Variants in CHCHD3 observed in about 807,000 individuals in gnomAD.
The protein encoded by CHCHD3 is coiled-coil-helix-coiled-coil-helix domain containing 3, also known as MICOS complex subunit MIC19.
CHCHD3 carries 20 observed loss-of-function variants against 38.2 expected under a neutral mutation model. The observed-to-expected ratio is 0.52, with a 90% confidence interval of 0.37 to 0.76. The LOEUF is 0.76. Among genes scored for constraint, CHCHD3 ranks in the 30% least tolerant of loss-of-function variants. The pLI, the probability that CHCHD3 is intolerant of heterozygous loss-of-function variation, is 0.00. For synonymous variants in CHCHD3, 82 were observed against 100.0 expected (o/e 0.82, Z 1.07); for missense variants, 245 against 279.2 (o/e 0.88, Z 0.87).
chr7:132,847,053 T>C (rs1808092006), intron 5 of CHCHD3, among the ~76,000 whole-genome samples: 1 of 152,200 alleles, frequency 6.6e-6, no homozygotes, highest in African/African-American at 2.4e-5. Context: ...CCCCCTCTTC[T>C]GTCTTCCCTT....
At chr7:132,888,992 G>C (rs541104146) in intron 4 of CHCHD3, among the ~76,000 whole-genome samples, 9 of 152,076 alleles carry the variant, frequency 5.9e-5, no homozygotes, top group South Asian at 2.1e-4. Flanking sequence ...ATATTATTTG[G>C]ACTGTTTCTT....
chr7:132,996,679 C>G (rs1812425157), intron 3 of CHCHD3, among the ~76,000 whole-genome samples: 1 of 152,158 alleles, frequency 6.6e-6, no homozygotes, highest in African/African-American at 2.4e-5. Context: ...GCAATCCTTC[C>G]AAGCCCTGTC....
At chr7:132,854,646 T>C (rs1808302172) in intron 5 of CHCHD3, among the ~76,000 whole-genome samples, 5 of 152,228 alleles carry the variant, frequency 3.3e-5, no homozygotes, top group Non-Finnish European at 5.9e-5. Context: ...ATTATTGGTA[T>C]CTCTGAAATT....
At chr7:132,854,356 A>C (rs1585573997) in intron 5 of CHCHD3, among the ~76,000 whole-genome samples, 1 of 152,286 alleles carries the variant, frequency 6.6e-6, no homozygotes, top group Middle Eastern at 3.4e-3. Context: ...CCCTTTCCCC[A>C]AGAGAAAAAA....
chr7:132,869,606 A>G (rs1242049068), intron 5 of CHCHD3, among the ~76,000 whole-genome samples: 1 of 152,188 alleles, frequency 6.6e-6, no homozygotes, highest in African/African-American at 2.4e-5. Flanking sequence ...CTTGCTTTAG[A>G]GTCAGGATCT....
At chr7:132,921,177 T>C (rs935886738) in intron 4 of CHCHD3, among the ~76,000 whole-genome samples, 2 of 152,240 alleles carry the variant, frequency 1.3e-5, no homozygotes, top group East Asian at 1.9e-4. Context: ...TCTTTTATTA[T>C]ATTTGAGTAA....
Position 133,035,989 on chromosome 7 carries a change from T to C in CHCHD3, c.170-11362A>G, listed in dbSNP as rs760051422. On this transcript the variant is annotated intron_variant, in intron 2 of 7. Coordinates refer to ENST00000262570, the MANE Select transcript of CHCHD3 (RefSeq NM_017812.4). The surrounding 1 kb of genome is among the most constrained non-coding windows in gnomAD (Gnocchi z 4.7). ...ATCAGGTAGGGGTCCTTAGGGGAAC[T>C]GTTTTAATGAAACTAGTAATTAGAA... The C allele has an allele frequency of 5.3e-4, 552 of 1,035,376 alleles. No individual in the cohort carries two copies. The highest frequency in any genetic ancestry group is 7.5e-4 in the Non-Finnish European group (509 of 675,294). 64.1% of individuals were successfully genotyped at this position (1,035,376 alleles called of 1,614,324 possible).
chr7:132,801,329 C>T (rs1460874569), intron 6 of CHCHD3, among the ~76,000 whole-genome samples: 1 of 152,086 alleles, frequency 6.6e-6, no homozygotes, highest in East Asian at 1.9e-4. Context: ...TTTAAGCTTT[C>T]CTGACATTCT....
rs550485289 is a variant in CHCHD3, at chr7:133,014,328, T to G, written c.251+10218A>C. Among the ~76,000 whole-genome samples, 10 of 107,286 alleles carry G rather than the reference T, an allele frequency of 9.3e-5. No individual in the cohort carries two copies. The South Asian group carries it at 3.0e-3, about 33-fold the overall frequency. 70.4% of individuals were successfully genotyped at this position (107,286 alleles called of 152,430 possible). ...ACACTAAAATTGTTTGGGGGATAAC[T>G]CAAAAAAAAAAAAAAAACCTTTCAA... On this transcript the variant is annotated intron_variant, in intron 3 of 7. Transcript: ENST00000262570.
chr7:132,811,765 G>A (rs1047067403), intron 6 of CHCHD3, among the ~76,000 whole-genome samples: 3 of 152,138 alleles, frequency 2.0e-5, no homozygotes, highest in South Asian at 4.2e-4. Flanking sequence ...TTTTCCTCCC[G>A]GCTCTCTGGC....
chr7:133,082,035 C>T lies in CHCHD3; in HGVS notation c.-98G>A. On this transcript the variant is annotated 5_prime_UTR_variant, in exon 1 of 8. Transcript: ENST00000262570. The stretch of plus-strand genomic sequence containing the variant: ...GCGTGGAAGGGCCTGGATTCTTTTC[C>T]CGCACAGCGGGAGCAAGGCCACGAC... The T allele has an allele frequency of 4.3e-6, 5 of 1,158,438 alleles. No homozygotes were observed. The highest frequency in any genetic ancestry group is 5.9e-6 in the Non-Finnish European group (5 of 840,416). 71.8% of individuals were successfully genotyped at this position (1,158,438 alleles called of 1,614,324 possible). A position where few individuals can be genotyped will look rare whatever the true frequency, so the allele number is the denominator to read the frequency against.
At chr7:133,013,872 CT>C (rs548803910) in intron 3 of CHCHD3, among the ~76,000 whole-genome samples, 3 of 150,940 alleles carry the variant, frequency 2.0e-5, no homozygotes, top group East Asian at 1.9e-4. Flanking sequence ...TGGTAATTTT[CT>C]TTTTTTTTGT....
chr7:133,013,320 G>A (rs951594728), intron 3 of CHCHD3, among the ~76,000 whole-genome samples: 70 of 152,036 alleles, frequency 4.6e-4, no homozygotes, highest in Non-Finnish European at 1.2e-4. Context: ...GATGCCGACT[G>A]CCTGCGTTCA....
chr7:132,926,629 G>A (rs1810385831), intron 4 of CHCHD3, among the ~76,000 whole-genome samples: 2 of 152,096 alleles, frequency 1.3e-5, no homozygotes, highest in African/African-American at 4.8e-5. Context: ...TATCTGCAGA[G>A]GATTGGTTCC....
At chr7:132,984,211 C>G (rs931914693) in intron 3 of CHCHD3, among the ~76,000 whole-genome samples, 2 of 150,650 alleles carry the variant, frequency 1.3e-5, no homozygotes, top group African/African-American at 2.5e-5. Context: ...TGCAGGCGCA[C>G]GGCGCCACGC....
chr7:133,055,474 AT>A (rs1241655176), intron 2 of CHCHD3, among the ~76,000 whole-genome samples: 1 of 145,240 alleles, frequency 6.9e-6, no homozygotes, highest in Admixed American at 6.9e-5. Flanking sequence ...ATGTTATGTA[AT>A]TAATTATAAT....
intron 2 of CHCHD3, among the ~76,000 whole-genome samples, chr7:133,051,120 G>T (rs1814151176): frequency 6.6e-6 from 1 of 152,146 alleles, no homozygotes; most frequent in South Asian, 2.1e-4. Context: ...AGTTCCTTCA[G>T]AAAAAGACCA....
chr7:132,790,120 C>A (rs560793439), intron 7 of CHCHD3, among the ~76,000 whole-genome samples: 1 of 152,318 alleles, frequency 6.6e-6, no homozygotes, highest in African/African-American at 2.4e-5. Flanking sequence ...TCCCCTGCAG[C>A]AAGAGCTGTT....
chr7:133,052,272 A>G lies in CHCHD3; in HGVS notation c.169+17870T>C, dbSNP rs528104149. 2.0e-5 allele frequency among the ~76,000 whole-genome samples: 3 copies of G among 152,288 alleles called. No individual in the cohort carries two copies. The East Asian group carries it at 5.8e-4, about 29-fold the overall frequency. On this transcript the variant is annotated intron_variant, in intron 2 of 7. Transcript: ENST00000262570. ...GTCTCCCTGAAAAATGACCCGACAC[A>G]GCATCAAAGTATTTCCATGTGCAGG...
Sources: gnomAD v4.1 joint callset for allele counts (sites outside exome capture counted in the v4.1 genomes callset) on GRCh38, gnomAD v4.1.1 for gene constraint, Gnocchi (gnomAD v3.1) non-coding constraint, MANE v1.5 for transcripts, NCBI Gene and HGNC (gene_info 2026-07-23, HGNC 2026-07-21) for gene names.